The following TENM2 variants were observed in gnomAD, a reference collection of about 807,000 sequenced individuals.
TENM2 encodes the protein teneurin-2.
A neutral mutation model predicts 245.2 loss-of-function variants in TENM2; 52 were observed. The observed-to-expected ratio is 0.21, with a 90% confidence interval of 0.17 to 0.27. The LOEUF is 0.27. TENM2 is among the 10% of genes least tolerant of loss of function. TENM2 has a pLI of 1.00. For synonymous variants in TENM2, 1,363 were observed against 1,438.9 expected (o/e 0.95, Z 1.19); for missense variants, 3,046 against 3,666.8 (o/e 0.83, Z 4.37).
exon 11 of TENM2, chr5:168,125,036 C>T (rs775635494): frequency 1.9e-6 from 3 of 1,607,562 alleles, no homozygotes; most frequent in Non-Finnish European, 2.5e-6. Flanking sequence ...TGGATGGGTC[C>T]CGACTGCTCT....
chr5:167,254,582 T>C, the TENM2 span, among the ~76,000 whole-genome samples: 9 of 152,162 alleles, frequency 5.9e-5, no homozygotes, highest in African/African-American at 2.2e-4. Flanking sequence ...GTAGTGCTCT[T>C]CTTCTCATGG....
At chr5:167,164,574 C>T in the TENM2 span, among the ~76,000 whole-genome samples, 49 of 152,238 alleles carry the variant, frequency 3.2e-4, 1 homozygote, top group Admixed American at 2.1e-3. Flanking sequence ...AATCTAGACA[C>T]GAGAGGCTCT....
At chr5:168,019,110 G>A (rs1397877535) in intron 5 of TENM2, among the ~76,000 whole-genome samples, 2 of 152,196 alleles carry the variant, frequency 1.3e-5, no homozygotes, top group Non-Finnish European at 2.9e-5. Flanking sequence ...AACACCAAGT[G>A]CAGTGATTAA....
chr5:167,561,121 C>T (rs1485746411), intron 2 of TENM2, among the ~76,000 whole-genome samples: 1 of 152,162 alleles, frequency 6.6e-6, no homozygotes, highest in Non-Finnish European at 1.5e-5. Flanking sequence ...TTCATCCTCT[C>T]AAATATTAAT....
intron 3 of TENM2, among the ~76,000 whole-genome samples, chr5:167,915,224 T>C (rs1431361558): frequency 6.6e-6 from 1 of 151,912 alleles, no homozygotes; most frequent in African/African-American, 2.4e-5. Flanking sequence ...TGTCCATTAC[T>C]GCAAAAAAAG....
intron 13 of TENM2, among the ~76,000 whole-genome samples, chr5:168,164,326 G>A (rs893811031): frequency 2.6e-5 from 4 of 152,028 alleles, no homozygotes; most frequent in South Asian, 2.1e-4. Flanking sequence ...AGCAAATTTT[G>A]AGTGTACACT....
the TENM2 span, among the ~76,000 whole-genome samples, chr5:166,987,547 T>C: frequency 6.6e-6 from 1 of 151,422 alleles, no homozygotes; most frequent in African/African-American, 2.4e-5. Flanking sequence ...TTTTTTTAAT[T>C]GAGATATCTA....
At chr5:167,191,358 G>A in the TENM2 span, among the ~76,000 whole-genome samples, 3 of 151,868 alleles carry the variant, frequency 2.0e-5, no homozygotes, top group Non-Finnish European at 4.4e-5. Context: ...TTCTCTTTCT[G>A]ATCATTCCCA....
chr5:167,831,813 A>C (rs2151096107), intron 2 of TENM2, among the ~76,000 whole-genome samples: 1 of 152,276 alleles, frequency 6.6e-6, no homozygotes, highest in Non-Finnish European at 1.5e-5. Context: ...TTGCTGCATA[A>C]GGATGAAATG....
chr5:167,163,594 C>A, the TENM2 span, among the ~76,000 whole-genome samples: 46 of 152,216 alleles, frequency 3.0e-4, no homozygotes, highest in African/African-American at 1.1e-3. Context: ...CTGCTTTGCT[C>A]GGTTTTAACA....
the TENM2 span, among the ~76,000 whole-genome samples, chr5:167,067,597 T>C: frequency 1.4e-4 from 21 of 152,164 alleles, no homozygotes; most frequent in African/African-American, 5.1e-4. Context: ...GAATAAAACA[T>C]ATAAGAAAAC....
At chr5:167,220,045 G>A in the TENM2 span, among the ~76,000 whole-genome samples, 1 of 152,138 alleles carries the variant, frequency 6.6e-6, no homozygotes, top group African/African-American at 2.4e-5. Flanking sequence ...ATATACAGAA[G>A]AGAACCACAC....
chr5:168,165,131 A>C (rs1195133731), intron 13 of TENM2: 2 of 152,274 alleles, frequency 1.3e-5, no homozygotes, highest in African/African-American at 4.8e-5. Context: ...AAAACAGTTT[A>C]CAGACCTGAT....
At chr5:167,854,718 C>T (rs1770908480) in intron 2 of TENM2, among the ~76,000 whole-genome samples, 1 of 152,158 alleles carries the variant, frequency 6.6e-6, no homozygotes, top group Non-Finnish European at 1.5e-5. Flanking sequence ...AAGCACATTG[C>T]ATATATATGT....
intron 2 of TENM2, among the ~76,000 whole-genome samples, chr5:167,494,911 A>C (rs1768705164): frequency 6.6e-6 from 1 of 152,134 alleles, no homozygotes; most frequent in Non-Finnish European, 1.5e-5. Flanking sequence ...CATTTAGACT[A>C]TTATGAATAA....
intron 1 of TENM2, among the ~76,000 whole-genome samples, chr5:167,318,460 C>T (rs1756508898): frequency 6.7e-6 from 1 of 150,312 alleles, no homozygotes; most frequent in South Asian, 2.1e-4. Flanking sequence ...TACATGTTTT[C>T]CCCCACGGTG....
At chr5:167,781,808 G>T (rs1764204770) in intron 2 of TENM2, among the ~76,000 whole-genome samples, 1 of 150,010 alleles carries the variant, frequency 6.7e-6, no homozygotes, top group African/African-American at 2.5e-5. Flanking sequence ...CTTGAGTCCA[G>T]GAGTTCAAGA....
chr5:167,527,013 A>G (rs192175593), intron 2 of TENM2, among the ~76,000 whole-genome samples: 1 of 152,202 alleles, frequency 6.6e-6, no homozygotes, highest in East Asian at 1.9e-4. Context: ...GTCTCCTGGC[A>G]TGAAGAATGA....
the TENM2 span, among the ~76,000 whole-genome samples, chr5:167,051,433 G>GAAA: frequency 2.8e-4 from 42 of 149,592 alleles, no homozygotes; most frequent in African/African-American, 3.9e-4. Flanking sequence ...TGAATTGGGA[G>GAAA]AAAAAAAAAA....
Sources: gnomAD v4.1 joint callset for allele counts (sites outside exome capture counted in the v4.1 genomes callset) on GRCh38, gnomAD v4.1.1 for gene constraint, MANE v1.5 for transcripts, NCBI Gene and HGNC (gene_info 2026-07-23, HGNC 2026-07-21) for gene names.